The following NOL10 variants were observed in gnomAD, a reference collection of about 807,000 sequenced individuals.
NOL10 encodes the protein nucleolar protein 10, also known as H_NH0074G24.1.
Under a neutral mutation model 103.5 loss-of-function variants are expected in NOL10, and 58 were observed. The observed-to-expected ratio is 0.56, with a 90% CI of 0.45 to 0.70. The LOEUF (loss-of-function observed/expected upper bound fraction) is 0.70. Ranked by LOEUF, NOL10 falls within the 30% of genes least tolerant of loss-of-function variation. The pLI, the probability that NOL10 is intolerant of heterozygous loss-of-function variation, is 0.00. For missense variants in NOL10, 763 were observed against 807.3 expected (o/e 0.95, Z 0.67); for synonymous variants, 287 against 282.5 (o/e 1.02, Z -0.16).
At chr2:10,627,494 T>C (rs945759593) in intron 13 of NOL10, among the ~76,000 whole-genome samples, 1 of 151,844 alleles carries the variant, frequency 6.6e-6, no homozygotes, top group African/African-American at 2.4e-5. Flanking sequence ...GCTAACACAG[T>C]GAAACCCCGT....
Position 10,607,298 on chromosome 2 carries a change from G to A in NOL10, c.1040C>T (p.Ala347Val). The A allele has an allele frequency of 6.2e-7, 1 of 1,603,078 alleles. No individual in the cohort carries two copies. The highest frequency in any genetic ancestry group is 2.2e-5 in the East Asian group (1 of 44,576). ...GIYYIPVLGP[A>V]PRWCSFLDNL... ...GTCTAAGAAGGAACACCACCGAGGAGCAGGACCCAAAACCTGTTGGTGTTT... is the reference window on the plus strand; with the variant it reads ...GTCTAAGAAGGAACACCACCGAGGAACAGGACCCAAAACCTGTTGGTGTTT... The change falls in exon 14 of 21, where the codon GCT becomes GTT. Residue 347 changes from alanine (A) to valine (V), a missense_variant. Coordinates refer to ENST00000381685, the MANE Select transcript of NOL10 (RefSeq NM_024894.4).
At chr2:10,662,212 T>C (rs1241371676) in intron 9 of NOL10, among the ~76,000 whole-genome samples, 1 of 152,168 alleles carries the variant, frequency 6.6e-6, no homozygotes, top group Non-Finnish European at 1.5e-5. Context: ...AGTTAATATA[T>C]GTAAAGAACT....
At chr2:10,572,237 T>C (rs1674216500) in intron 20 of NOL10, 47 bp from the exon 21 acceptor site, 6 of 1,605,212 alleles carry the variant, frequency 3.7e-6, no homozygotes, top group Non-Finnish European at 2.6e-6. Flanking sequence ...GAAAATTCTA[T>C]ACCTCTTTTC....
At chr2:10,577,857 TATC>T (rs1674539176) in intron 19 of NOL10, 119 bp from the exon 20 acceptor site, 2 of 649,872 alleles carry the variant, frequency 3.1e-6, no homozygotes, top group Admixed American at 5.6e-5. Context: ...AAACAGAAAA[TATC>T]ATTCATTTAA....
rs563361922 is a variant in NOL10 at position 10,601,253 on chromosome 2, C to T, written c.1333-311G>A. 2.6e-5 allele frequency among the ~76,000 whole-genome samples: 4 copies of T among 152,158 alleles called. No individual in the cohort carries two copies. In the East Asian group the frequency reaches 5.8e-4, roughly 22 times the overall value. On this transcript the variant is annotated intron_variant, in intron 16 of 20. Coordinates refer to ENST00000381685, the MANE Select transcript of NOL10 (RefSeq NM_024894.4). ...TAATTTTTTGTATTTTTAGTAGAGA[C>T]GGGGTTTCACTGTGTCAGCCAGGAC... is the stretch of plus-strand genomic sequence containing the variant.
At chr2:10,587,839 T>A (rs1675195399) in intron 19 of NOL10, among the ~76,000 whole-genome samples, 1 of 152,090 alleles carries the variant, frequency 6.6e-6, no homozygotes, top group African/African-American at 2.4e-5. Context: ...TCCCCACCCT[T>A]TTCCTCCTCC....
rs116485340 is a variant in NOL10, at chr2:10,672,673, T to G, written c.327+847A>C. 4.3e-3 allele frequency among the ~76,000 whole-genome samples: 649 copies of G among 152,346 alleles called. 9 individuals carry two copies. Among genetic ancestry groups the G allele is most frequent in the African/African-American group, 0.014 (598 of 41,578 alleles). On this transcript the variant is annotated intron_variant, in intron 5 of 20. Coordinates refer to ENST00000381685, the MANE Select transcript of NOL10 (RefSeq NM_024894.4). Reference sequence around the variant, plus strand: ...TAAATTCAAGAGTTTACTGACAATTTTATAATTGTTGAAAGTGATTATAAG... The same window carrying G: ...TAAATTCAAGAGTTTACTGACAATTGTATAATTGTTGAAAGTGATTATAAG...
intron 10 of NOL10, among the ~76,000 whole-genome samples, chr2:10,658,509 A>G (rs1679990937): frequency 6.6e-6 from 1 of 152,192 alleles, no homozygotes; most frequent in Non-Finnish European, 1.5e-5. Context: ...TCCTCAGACT[A>G]GCACTGCTAA....
intron 15 of NOL10, 70 bp from the exon 16 acceptor site, chr2:10,602,944 C>T (rs182403701): frequency 1.4e-4 from 182 of 1,275,972 alleles, no homozygotes; most frequent in Admixed American, 2.5e-4. Context: ...ATATACACCA[C>T]GACAGTTATG....
At chr2:10,619,706 T>C (rs913714224) in intron 13 of NOL10, among the ~76,000 whole-genome samples, 2 of 152,178 alleles carry the variant, frequency 1.3e-5, no homozygotes, top group Admixed American at 6.5e-5. Context: ...AATCTGAACA[T>C]GGCCCCAATC....
At chr2:10,659,348 G>GGT (rs1553311182) in intron 9 of NOL10, 98 bp from the exon 10 acceptor site, 8 of 484,164 alleles carry the variant, frequency 1.7e-5, no homozygotes, top group African/African-American at 1.5e-4. Flanking sequence ...TAATGGGGGG[G>GGT]GGGGGGAGGA....
At chr2:10,609,988 C>T (rs1351744992) in intron 13 of NOL10, among the ~76,000 whole-genome samples, 1 of 152,118 alleles carries the variant, frequency 6.6e-6, no homozygotes, top group Non-Finnish European at 1.5e-5. Context: ...ATTTCATATG[C>T]ATCAAGTACT....
chr2:10,621,785 T>C (rs1293024264), intron 13 of NOL10, among the ~76,000 whole-genome samples: 1 of 152,158 alleles, frequency 6.6e-6, no homozygotes, highest in African/African-American at 2.4e-5. Flanking sequence ...GGCAACAAAA[T>C]ATATTTCTTT....
chr2:10,607,332 G>C (rs921013623), intron 13 of NOL10, 21 bp from the exon 14 acceptor site: 1 of 1,586,140 alleles, frequency 6.3e-7, no homozygotes, highest in African/African-American at 1.4e-5. Flanking sequence ...TTATGAGAAG[G>C]TCAGCAAAGG....
intron 1 of NOL10, 147 bp downstream of exon 1, chr2:10,689,649 A>G: frequency 1.4e-6 from 1 of 739,240 alleles, no homozygotes; most frequent in African/African-American, 1.8e-5. Flanking sequence ...TCCCCCGGAA[A>G]TTGTCAGCCG....
chr2:10,644,397 G>A, intron 12 of NOL10, 25 bp from the exon 13 acceptor site: 2 of 1,508,728 alleles, frequency 1.3e-6, no homozygotes, highest in Non-Finnish European at 8.9e-7. Context: ...AATGAAAAAG[G>A]TCAATGCATA....
chr2:10,647,159 C>T (rs1462560500), intron 12 of NOL10, among the ~76,000 whole-genome samples: 1 of 151,882 alleles, frequency 6.6e-6, no homozygotes, highest in Non-Finnish European at 1.5e-5. Flanking sequence ...GAACACATTT[C>T]CAATATGACC....
At chr2:10,576,577 T>G (rs1674461676) in intron 20 of NOL10, among the ~76,000 whole-genome samples, 1 of 152,228 alleles carries the variant, frequency 6.6e-6, no homozygotes, top group African/African-American at 2.4e-5. Context: ...GAATAAACCT[T>G]GAAAACATTA....
chr2:10,676,995 G>C (rs917334157), intron 3 of NOL10, among the ~76,000 whole-genome samples: 4 of 149,932 alleles, frequency 2.7e-5, no homozygotes, highest in African/African-American at 9.9e-5. Context: ...CTGGAGTGCA[G>C]AGGAGTAATC....
Sources: allele counts gnomAD v4.1 joint callset (sites outside exome capture counted in the v4.1 genomes callset), GRCh38; gene constraint gnomAD v4.1.1; transcripts MANE v1.5; gene names NCBI Gene and HGNC (gene_info 2026-07-23, HGNC 2026-07-21).